NKAIN3: variants seen among roughly 807,000 people sequenced by gnomAD.
The protein encoded by NKAIN3 is sodium/potassium transporting ATPase interacting 3, also known as sodium/potassium-transporting ATPase subunit beta-1-interacting protein 3.
Under a neutral mutation model 30.2 loss-of-function variants are expected in NKAIN3, and 25 were observed. The ratio of observed to expected loss-of-function variants is 0.83; its 90% confidence interval spans 0.60 to 1.16. NKAIN3 has a LOEUF of 1.16. Ranked by LOEUF, NKAIN3 falls within the 50% of genes most tolerant of loss-of-function variation. The pLI, the probability that NKAIN3 is intolerant of heterozygous loss-of-function variation, is 0.00. For synonymous variants in NKAIN3, 91 were observed against 89.6 expected (o/e 1.02, Z -0.09); for missense variants, 225 against 254.1 (o/e 0.89, Z 0.78).
intron 1 of NKAIN3, among the ~76,000 whole-genome samples, chr8:62,391,809 G>C (rs909260352): frequency 1.3e-5 from 2 of 151,864 alleles, no homozygotes; most frequent in Non-Finnish European, 2.9e-5. Context: ...GAATGTGTGG[G>C]TGTGTGTATG....
At chr8:62,833,006 A>G (rs1327923297) in intron 4 of NKAIN3, among the ~76,000 whole-genome samples, 14 of 152,098 alleles carry the variant, frequency 9.2e-5, no homozygotes, top group Non-Finnish European at 1.8e-4. Flanking sequence ...GGACCAAAGT[A>G]AAATAAAAAT....
At chr8:62,802,125 G>T (rs1337884610) in intron 4 of NKAIN3, among the ~76,000 whole-genome samples, 1 of 152,218 alleles carries the variant, frequency 6.6e-6, no homozygotes, top group Non-Finnish European at 1.5e-5. Flanking sequence ...TATGTGAAAA[G>T]ACCAAATCTA....
chr8:62,416,776 C>G (rs1804457194), intron 1 of NKAIN3, among the ~76,000 whole-genome samples: 1 of 152,072 alleles, frequency 6.6e-6, no homozygotes, highest in African/African-American at 2.4e-5. Context: ...GGGCAGATCT[C>G]TTGAGGTCAG....
intron 3 of NKAIN3, among the ~76,000 whole-genome samples, chr8:62,727,897 T>C (rs541340821): frequency 1.3e-5 from 2 of 152,320 alleles, no homozygotes; most frequent in East Asian, 3.9e-4. Context: ...TTATATACTA[T>C]AAAAAGTACC....
chr8:62,620,522 G>T (rs1009481149), intron 3 of NKAIN3, among the ~76,000 whole-genome samples: 1 of 152,030 alleles, frequency 6.6e-6, no homozygotes, highest in African/African-American at 2.4e-5. Context: ...AGATGCAGGG[G>T]TAATTTCAAA....
chr8:62,665,948 G>C (rs1586066527), intron 3 of NKAIN3, among the ~76,000 whole-genome samples: 1 of 152,150 alleles, frequency 6.6e-6, no homozygotes, highest in Non-Finnish European at 1.5e-5. Context: ...GGGCACAATG[G>C]TTCACGCCTG....
intron 1 of NKAIN3, among the ~76,000 whole-genome samples, chr8:62,393,790 A>C (rs1398284091): frequency 6.6e-6 from 1 of 152,114 alleles, no homozygotes; most frequent in Non-Finnish European, 1.5e-5. Context: ...TAGAGTTTTC[A>C]GTTCACAGAC....
chr8:62,507,841 G>A (rs1429065646), intron 1 of NKAIN3, among the ~76,000 whole-genome samples: 1 of 152,164 alleles, frequency 6.6e-6, no homozygotes, highest in Admixed American at 6.6e-5. Context: ...AGTAAGGGAT[G>A]GCAGAAAGGA....
chr8:62,303,045 C>T (rs755174608), intron 1 of NKAIN3, among the ~76,000 whole-genome samples: 2 of 150,194 alleles, frequency 1.3e-5, no homozygotes, highest in African/African-American at 5.0e-5. Flanking sequence ...AAGTTTAGTT[C>T]CCTGGTCATT....
chr8:62,643,937 TCCC>T (rs1345795884), intron 3 of NKAIN3, among the ~76,000 whole-genome samples: 1 of 152,050 alleles, frequency 6.6e-6, no homozygotes, highest in African/African-American at 2.4e-5. Context: ...CCCTTCTCTT[TCCC>T]CTAAATGCTC....
chr8:62,495,290 T>A (rs1011137954), intron 1 of NKAIN3, among the ~76,000 whole-genome samples: 2 of 152,050 alleles, frequency 1.3e-5, no homozygotes, highest in African/African-American at 4.8e-5. Context: ...AGAGTATTGA[T>A]AAATAGTCAG....
intron 1 of NKAIN3, among the ~76,000 whole-genome samples, chr8:62,340,505 G>A (rs546510035): frequency 6.6e-6 from 1 of 152,170 alleles, no homozygotes; most frequent in South Asian, 2.1e-4. Flanking sequence ...AAGAAGGTCA[G>A]AGAGAACTTC....
At chr8:62,667,350 T>TATATGTATATATAA (rs1563507996) in intron 3 of NKAIN3, among the ~76,000 whole-genome samples, 1 of 77,524 alleles carries the variant, frequency 1.3e-5, no homozygotes, top group African/African-American at 6.2e-5. Context: ...ATATTCTTTA[T>TATATGTATATATAA]ATATATATCT....
intron 5 of NKAIN3, chr8:62,990,785 C>A (rs1824305318): frequency 6.6e-6 from 1 of 152,106 alleles, no homozygotes; most frequent in African/African-American, 2.4e-5. Context: ...ATTGAGGGAC[C>A]AACTAGACCT....
intron 5 of NKAIN3, among the ~76,000 whole-genome samples, chr8:62,995,280 A>G (rs1197384289): frequency 6.6e-6 from 1 of 152,222 alleles, no homozygotes. Context: ...TGCATGCTTA[A>G]TGGTGAGAAG....
chr8:62,310,706 C>T (rs1157861784), intron 1 of NKAIN3, among the ~76,000 whole-genome samples: 2 of 150,158 alleles, frequency 1.3e-5, no homozygotes, highest in Non-Finnish European at 2.9e-5. Context: ...GTTCCATTTG[C>T]GCATCCTCGG....
At chr8:62,315,932 A>G (rs1031556275) in intron 1 of NKAIN3, among the ~76,000 whole-genome samples, 1 of 152,166 alleles carries the variant, frequency 6.6e-6, no homozygotes, top group Non-Finnish European at 1.5e-5. Flanking sequence ...TAGTTGCCAT[A>G]ATCCCACATT....
chr8:62,989,533 C>T (rs1824274047), downstream of NKAIN3, among the ~76,000 whole-genome samples: 1 of 151,834 alleles, frequency 6.6e-6, no homozygotes, highest in African/African-American at 2.4e-5. Flanking sequence ...CATGAAAGAC[C>T]CACCCCCATG....
chr8:62,920,603 A>G (rs7014513), intron 5 of NKAIN3, among the ~76,000 whole-genome samples: 103,398 of 152,140 alleles, frequency 0.68, 36,060 homozygotes, highest in East Asian at 0.9. Context: ...TCTTTAATTA[A>G]CTTAAGTTTC....
Sources: allele counts gnomAD v4.1 joint callset (sites outside exome capture counted in the v4.1 genomes callset), GRCh38; gene constraint gnomAD v4.1.1; transcripts MANE v1.5; gene names NCBI Gene and HGNC (gene_info 2026-07-23, HGNC 2026-07-21).